Variants in NTM observed in about 807,000 individuals in gnomAD.
NTM encodes IgLON family member 2.
NTM carries 13 observed loss-of-function variants against 42.1 expected under a neutral mutation model. That is an observed-to-expected ratio of 0.31 (90% confidence interval 0.20 to 0.49). The LOEUF is 0.49. NTM is among the 20% of genes least tolerant of loss of function. The pLI, the probability that NTM is intolerant of heterozygous loss-of-function variation, is 0.99. For synonymous variants in NTM, 187 were observed against 179.2 expected (o/e 1.04, Z -0.35); for missense variants, 373 against 452.8 (o/e 0.82, Z 1.60).
chr11:132,275,009 G>A (rs1418914934), intron 4 of NTM, among the ~76,000 whole-genome samples: 1 of 151,992 alleles, frequency 6.6e-6, no homozygotes, highest in Non-Finnish European at 1.5e-5. Flanking sequence ...GATATATTTG[G>A]ATTGCAAACA....
intron 1 of NTM, among the ~76,000 whole-genome samples, chr11:131,434,781 C>T (rs1044086082): frequency 1.3e-5 from 2 of 152,130 alleles, no homozygotes; most frequent in Non-Finnish European, 2.9e-5. Flanking sequence ...TGTGAAGAAG[C>T]TCTTTAGTTT....
chr11:132,137,412 T>C (rs1286239795), intron 2 of NTM, among the ~76,000 whole-genome samples: 1 of 152,218 alleles, frequency 6.6e-6, no homozygotes, highest in Non-Finnish European at 1.5e-5. Context: ...CAGTGATTCT[T>C]TGAGCTGGCC....
At chr11:131,558,838 T>G (rs1451151728) in intron 1 of NTM, among the ~76,000 whole-genome samples, 2 of 152,164 alleles carry the variant, frequency 1.3e-5, no homozygotes, top group African/African-American at 4.8e-5. Context: ...GAACAGGACT[T>G]GAGCCTGTAG....
chr11:131,779,721 T>C (rs1227342952), intron 1 of NTM, among the ~76,000 whole-genome samples: 1 of 152,096 alleles, frequency 6.6e-6, no homozygotes, highest in Non-Finnish European at 1.5e-5. Context: ...GGGCAAGTGT[T>C]GAAAGACAAG....
intron 1 of NTM, among the ~76,000 whole-genome samples, chr11:131,587,231 G>A (rs983687029): frequency 2.0e-5 from 3 of 152,108 alleles, no homozygotes; most frequent in Admixed American, 6.5e-5. Flanking sequence ...GGCAGATCAC[G>A]AGGTCAGGAG....
chr11:131,490,969 C>T (rs1954714202), intron 1 of NTM, among the ~76,000 whole-genome samples: 1 of 152,160 alleles, frequency 6.6e-6, no homozygotes, highest in African/African-American at 2.4e-5. Flanking sequence ...CTACTGCCTA[C>T]AATGCAGACA....
chr11:131,424,867 C>CT (rs759720917), intron 1 of NTM, among the ~76,000 whole-genome samples: 7,238 of 138,472 alleles, frequency 0.052, 261 homozygotes, highest in Non-Finnish European at 0.083. Flanking sequence ...CCACGCCCAG[C>CT]TTTTTTTTTT....
chr11:132,027,455 G>A (rs559394528), intron 2 of NTM, among the ~76,000 whole-genome samples: 1 of 152,288 alleles, frequency 6.6e-6, no homozygotes, highest in African/African-American at 2.4e-5. Context: ...CTCAACTTTT[G>A]ATTGTCTGAG....
chr11:132,094,218 G>A (rs1207633692), intron 2 of NTM, among the ~76,000 whole-genome samples: 1 of 152,166 alleles, frequency 6.6e-6, no homozygotes, highest in Admixed American at 6.5e-5. Context: ...AAATATATAA[G>A]GAGGCAGCTT....
At chr11:131,570,562 C>T (rs761317267) in intron 1 of NTM, among the ~76,000 whole-genome samples, 10 of 152,172 alleles carry the variant, frequency 6.6e-5, no homozygotes, top group East Asian at 3.8e-4. Flanking sequence ...CGGTGGCTCA[C>T]GCCTGTAATC....
chr11:132,177,957 C>T (rs537612854), intron 3 of NTM, among the ~76,000 whole-genome samples: 3 of 152,248 alleles, frequency 2.0e-5, no homozygotes, highest in Non-Finnish European at 4.4e-5. Context: ...ATAAATGTTC[C>T]AACGCAATTT....
intron 1 of NTM, among the ~76,000 whole-genome samples, chr11:131,788,412 T>C (rs1316840166): frequency 6.6e-6 from 1 of 152,154 alleles, no homozygotes; most frequent in Non-Finnish European, 1.5e-5. Context: ...TTAATCTTTA[T>C]CCATTTGGTG....
rs2069513495 is a variant in NTM at position 132,002,432 on chromosome 11, A to G, written c.167+90784A>G. ...AGGGGAAATTTTGGTTGAATAGGAT[A>G]AGAATGAGAATTTTGAGTGTCAGTG... On this transcript the variant is annotated intron_variant, in intron 2 of 8. Coordinates refer to ENST00000683400, the MANE Select transcript of NTM (RefSeq NM_001352005.2). The surrounding 1 kb of genome is among the most constrained non-coding windows in gnomAD (Gnocchi z 4.5). Among the ~76,000 whole-genome samples the G allele has an allele frequency of 6.6e-6, 1 of 152,210 alleles. No individual in the cohort carries two copies. Among genetic ancestry groups the G allele is most frequent in the African/African-American group, 2.4e-5 (1 of 41,442 alleles).
chr11:132,270,562 T>C (rs779175107), intron 4 of NTM, among the ~76,000 whole-genome samples: 1 of 152,130 alleles, frequency 6.6e-6, no homozygotes, highest in Non-Finnish European at 1.5e-5. Context: ...AGTTTATTTG[T>C]CCAAAGAAAT....
chr11:132,079,779 T>C (rs888010508), intron 2 of NTM, among the ~76,000 whole-genome samples: 1 of 152,218 alleles, frequency 6.6e-6, no homozygotes, highest in East Asian at 1.9e-4. Flanking sequence ...TTGCTCTCTT[T>C]TGTTTTGTAT....
intron 1 of NTM, among the ~76,000 whole-genome samples, chr11:131,467,044 G>C (rs1209693358): frequency 1.3e-5 from 2 of 152,166 alleles, no homozygotes; most frequent in Admixed American, 1.3e-4. Context: ...TTAGTTTTCT[G>C]GCGTACAGGG....
At chr11:131,443,050 T>C (rs1006564603) in intron 1 of NTM, among the ~76,000 whole-genome samples, 1 of 152,204 alleles carries the variant, frequency 6.6e-6, no homozygotes, top group Non-Finnish European at 1.5e-5. Flanking sequence ...CTTTGAGAAA[T>C]ACCCATACTA....
intron 2 of NTM, among the ~76,000 whole-genome samples, chr11:132,110,757 A>G (rs10791202): frequency 0.7 from 106,306 of 151,846 alleles, 37,999 homozygotes; most frequent in African/African-American, 0.78. Flanking sequence ...AACTTAGGCC[A>G]AGCATGGTGG....
chr11:131,803,843 C>T (rs1184558807), intron 1 of NTM, among the ~76,000 whole-genome samples: 3 of 152,220 alleles, frequency 2.0e-5, no homozygotes, highest in Non-Finnish European at 4.4e-5. Flanking sequence ...GTTCTGTCCC[C>T]AACCTTTCTC....
Sources: gnomAD v4.1 joint callset for allele counts (sites outside exome capture counted in the v4.1 genomes callset) on GRCh38, gnomAD v4.1.1 for gene constraint, Gnocchi (gnomAD v3.1) non-coding constraint, MANE v1.5 for transcripts, NCBI Gene and HGNC (gene_info 2026-07-23, HGNC 2026-07-21) for gene names.